The following PACRG variants were observed in gnomAD, a reference collection of about 807,000 sequenced individuals.
PACRG encodes parkin coregulated gene protein.
Under a neutral mutation model 29.7 loss-of-function variants are expected in PACRG, and 29 were observed. The ratio of observed to expected loss-of-function variants is 0.98; its 90% CI spans 0.73 to 1.33. The LOEUF is 1.33. Among genes scored for constraint, PACRG ranks in the 40% most tolerant of loss-of-function variants. PACRG has a pLI of 0.00. For missense variants in PACRG, 279 were observed against 316.2 expected (o/e 0.88, Z 0.89); for synonymous variants, 116 against 118.7 (o/e 0.98, Z 0.15).
At chr6:162,801,120 C>A (rs1325100757) in intron 1 of PACRG, among the ~76,000 whole-genome samples, 1 of 152,008 alleles carries the variant, frequency 6.6e-6, no homozygotes, top group Non-Finnish European at 1.5e-5. Flanking sequence ...AAATATTTGT[C>A]AATTTTCTTT....
chr6:162,828,366 C>CATTCTTATCT (rs1224256919), intron 2 of PACRG, among the ~76,000 whole-genome samples: 3 of 152,174 alleles, frequency 2.0e-5, no homozygotes, highest in African/African-American at 7.2e-5. Context: ...ATTTAAATTG[C>CATTCTTATCT]ATTCTTATCT....
chr6:163,026,836 G>T (rs1316862888), intron 2 of PACRG, among the ~76,000 whole-genome samples: 1 of 152,226 alleles, frequency 6.6e-6, no homozygotes, highest in Non-Finnish European at 1.5e-5. Context: ...CAGAGGGACT[G>T]GTTACAGAAG....
intron 4 of PACRG, among the ~76,000 whole-genome samples, chr6:163,148,359 T>C (rs1777889872): frequency 6.6e-6 from 1 of 152,174 alleles, no homozygotes; most frequent in African/African-American, 2.4e-5. Flanking sequence ...AAATTTGATA[T>C]ACAAAGGGAT....
At chr6:162,866,769 A>C (rs568062446) in intron 2 of PACRG, among the ~76,000 whole-genome samples, 28 of 152,328 alleles carry the variant, frequency 1.8e-4, no homozygotes, top group Admixed American at 4.6e-4. Flanking sequence ...GGAGAAAGAG[A>C]ATTCTATCAG....
chr6:163,055,387 CACAT>C lies in PACRG; in HGVS notation c.292-6761_292-6758del, dbSNP rs1484312092. ...ACGCACACATATACACACATGCACTCACATATATACACACGTGCACACACACGCA... is the reference window on the plus strand; with the variant it reads ...ACGCACACATATACACACATGCACTCATATACACACGTGCACACACACGCA... On this transcript the variant is annotated intron_variant, in intron 2 of 4. Transcript: ENST00000366888. This position sits in a 1 kb window ranked among gnomAD's most constrained non-coding sequence, Gnocchi z 4.0. 6.6e-6 allele frequency among the ~76,000 whole-genome samples: 1 copy of C among 151,918 alleles called. No individual in the cohort carries two copies. The highest frequency in any genetic ancestry group is 1.5e-5 in the Non-Finnish European group (1 of 67,964).
intron 4 of PACRG, among the ~76,000 whole-genome samples, chr6:163,261,518 A>C (rs1783325517): frequency 6.6e-6 from 1 of 152,054 alleles, no homozygotes; most frequent in Non-Finnish European, 1.5e-5. Context: ...ATTTGGTCCA[A>C]AGAAAGTTCT....
intron 2 of PACRG, among the ~76,000 whole-genome samples, chr6:162,986,957 C>G (rs1802955646): frequency 6.6e-6 from 1 of 151,582 alleles, no homozygotes; most frequent in Admixed American, 6.6e-5. Context: ...AGTTGGCTTT[C>G]AACTTTCTCT....
At chr6:163,058,917 AC>A (rs1263351056) in intron 2 of PACRG, among the ~76,000 whole-genome samples, 2 of 151,080 alleles carry the variant, frequency 1.3e-5, no homozygotes, top group East Asian at 3.9e-4. Flanking sequence ...AAACAAACAA[AC>A]AAAAAACAAA....
Position 163,055,367 on chromosome 6 carries a change from C to A in PACRG, c.292-6783C>A, listed in dbSNP as rs1403665279. On this transcript the variant is annotated intron_variant, in intron 2 of 4. Transcript: ENST00000366888. The surrounding 1 kb of genome is among the most constrained non-coding windows in gnomAD (Gnocchi z 4.0). Reference sequence around the variant, plus strand: ...GCACACACACACGCACACACACGCACACATATACACACATGCACTCACATA... The same window carrying A: ...GCACACACACACGCACACACACGCAAACATATACACACATGCACTCACATA... Among the ~76,000 whole-genome samples, 7 of 151,918 alleles carry A rather than the reference C, an allele frequency of 4.6e-5. No individual in the cohort carries two copies. The highest frequency in any genetic ancestry group is 1.0e-4 in the Non-Finnish European group (7 of 67,984).
intron 2 of PACRG, among the ~76,000 whole-genome samples, chr6:162,917,100 T>C (rs1422174290): frequency 6.6e-6 from 1 of 152,216 alleles, no homozygotes; most frequent in African/African-American, 2.4e-5. Flanking sequence ...GAGTCTCACA[T>C]ATGCCTGAGT....
intron 2 of PACRG, among the ~76,000 whole-genome samples, chr6:162,878,791 G>A (rs997798282): frequency 6.6e-6 from 1 of 152,166 alleles, no homozygotes; most frequent in Non-Finnish European, 1.5e-5. Context: ...ACCGTGATTT[G>A]TAGTATGTTA....
chr6:163,140,668 A>T (rs1197302601), intron 4 of PACRG, among the ~76,000 whole-genome samples: 2 of 152,256 alleles, frequency 1.3e-5, no homozygotes, highest in Admixed American at 1.3e-4. Flanking sequence ...TGCTAAAAAA[A>T]GGCAGCCCAC....
chr6:163,059,958 A>T (rs544541668), intron 2 of PACRG, among the ~76,000 whole-genome samples: 2 of 152,328 alleles, frequency 1.3e-5, no homozygotes, highest in South Asian at 4.1e-4. Flanking sequence ...ATCTCTCACT[A>T]AGATAAATTT....
At chr6:162,945,783 A>G (rs1798957479) in intron 2 of PACRG, among the ~76,000 whole-genome samples, 1 of 152,134 alleles carries the variant, frequency 6.6e-6, no homozygotes, top group African/African-American at 2.4e-5. Flanking sequence ...TTAAAAATTG[A>G]AATCATGTCA....
chr6:162,759,903 G>A (rs1450505629), intron 1 of PACRG, among the ~76,000 whole-genome samples: 2 of 152,174 alleles, frequency 1.3e-5, no homozygotes, highest in African/African-American at 4.8e-5. Flanking sequence ...ATGGTTGCCA[G>A]AAATAGAGCC....
chr6:163,176,363 C>T (rs1368457275), intron 4 of PACRG, among the ~76,000 whole-genome samples: 2 of 152,202 alleles, frequency 1.3e-5, no homozygotes, highest in East Asian at 1.9e-4. Context: ...ATAAGTGACA[C>T]TTTTCCCTAT....
chr6:163,306,263 T>G lies in PACRG; in HGVS notation c.614-8564T>G, dbSNP rs184681803. 4.7e-3 allele frequency among the ~76,000 whole-genome samples: 720 copies of G among 152,340 alleles called. 7 individuals carry two copies. The highest frequency in any genetic ancestry group is 0.017 in the African/African-American group (704 of 41,588). On this transcript the variant is annotated intron_variant, in intron 4 of 4. Coordinates refer to ENST00000366888, the MANE Select transcript of PACRG (RefSeq NM_001080379.2). ...TTTAACACAGACAGCTGGACTTAAC[T>G]CTCTGCTCTTTTTTTGAAGCACTCT...
intron 4 of PACRG, among the ~76,000 whole-genome samples, chr6:163,206,107 G>A (rs1367491505): frequency 6.6e-6 from 1 of 152,194 alleles, no homozygotes; most frequent in Non-Finnish European, 1.5e-5. Flanking sequence ...ATACACTGCT[G>A]GTGGGGGAGT....
intron 4 of PACRG, among the ~76,000 whole-genome samples, chr6:163,122,581 C>G (rs1394606634): frequency 6.6e-6 from 1 of 152,160 alleles, no homozygotes; most frequent in African/African-American, 2.4e-5. Context: ...GCCACATGAT[C>G]CCTTCGCAAC....
Sources: allele counts gnomAD v4.1 joint callset (sites outside exome capture counted in the v4.1 genomes callset), GRCh38; gene constraint gnomAD v4.1.1; non-coding constraint Gnocchi (gnomAD v3.1); transcripts MANE v1.5; gene names NCBI Gene and HGNC (gene_info 2026-07-23, HGNC 2026-07-21).